Variants in SGCE observed in about 807,000 individuals in gnomAD.
The protein encoded by SGCE is epsilon-sarcoglycan.
SGCE carries 26 observed loss-of-function variants against 57.8 expected under a neutral mutation model. The ratio of observed to expected loss-of-function variants is 0.45; its 90% confidence interval spans 0.33 to 0.62. SGCE has a LOEUF of 0.62. SGCE is among the 20% of genes least tolerant of loss of function. SGCE has a pLI of 0.02. For missense variants in SGCE, 468 were observed against 548.6 expected (o/e 0.85, Z 1.47); for synonymous variants, 183 against 189.5 (o/e 0.97, Z 0.28).
At chr7:94,589,565 C>T (rs1333225457) in intron 9 of SGCE, 1 of 152,340 alleles carries the variant, frequency 6.6e-6, no homozygotes, top group Non-Finnish European at 1.5e-5. Flanking sequence ...GCCATCGAAG[C>T]CTCATCTGTA....
chr7:94,598,863 C>G lies in SGCE; in HGVS notation c.1165G>C (p.Val389Leu), dbSNP rs374697567. 6.3e-5 allele frequency: 102 copies of G among 1,612,592 alleles called. 2 individuals carry two copies. The Middle Eastern group carries it at 9.9e-4, about 16-fold the overall frequency. Residue 389 changes from valine (V) to leucine (L), a missense_variant, in exon 9 of 11, where the codon GTG becomes CTG. By Grantham distance (32) the Val-to-Leu change is conservative. Transcript: ENST00000648936. The stretch of plus-strand genomic sequence containing the variant: ...ATTTCCCCAGTCACAGGGTGGAACA[C>G]AGGAAGCGTTGACAGGGGCCATGCT... ...EIAWPLSTLP[V>L]FHPVTGEIIP...
intron 1 of SGCE, among the ~76,000 whole-genome samples, chr7:94,637,340 A>G (rs1805732644): frequency 6.6e-6 from 1 of 152,252 alleles, no homozygotes; most frequent in Admixed American, 6.5e-5. Context: ...TTGATAATTC[A>G]GAACTATAAT....
At position 94,585,269 on chromosome 7, in the gene SGCE, T is replaced by C; in HGVS notation, c.*230A>G. On this transcript the variant is annotated 3_prime_UTR_variant, in exon 11 of 11. Transcript: ENST00000648936. ...TTATTTTAAAGATCAACTTTTATTG[T>C]AACAAATATAAAGTCATCAATGTTT... 4.3e-6 allele frequency: 2 copies of C among 462,546 alleles called. No homozygotes were observed. The highest frequency in any genetic ancestry group is 3.9e-6 in the Non-Finnish European group (1 of 259,552). 28.7% of individuals were successfully genotyped at this position (462,546 alleles called of 1,614,324 possible).
At chr7:94,585,661 T>C in intron 10 of SGCE, 146 bp from the exon 11 acceptor site, 1 of 646,900 alleles carries the variant, frequency 1.5e-6, no homozygotes, top group Non-Finnish European at 2.8e-6. Flanking sequence ...TTCTCTGTAT[T>C]TGGTTTTTTT....
At chr7:94,653,664 A>G (rs1231405569) in intron 1 of SGCE, among the ~76,000 whole-genome samples, 1 of 151,914 alleles carries the variant, frequency 6.6e-6, no homozygotes, top group Non-Finnish European at 1.5e-5. Context: ...TGTTTTTTGG[A>G]TAACAAAAAG....
Position 94,629,981 on chromosome 7 carries a change from T to C in SGCE, c.110-140A>G, listed in dbSNP as rs1213288764. ...AAACTGAAGCAACATGCAAGGAAAC[T>C]GTTAATAACAATTTGTTTTAAATGG... On this transcript the variant is annotated intron_variant, in intron 1 of 10. Coordinates refer to ENST00000648936, the MANE Select transcript of SGCE (RefSeq NM_003919.3). 1.0e-5 allele frequency: 9 copies of C among 902,082 alleles called. No homozygotes were observed. The Admixed American group carries it at 2.2e-4, about 22-fold the overall frequency. The allele number at this position is 902,082 out of a possible 1,614,324, so 55.9% of individuals were successfully genotyped here. A position where few individuals can be genotyped will look rare whatever the true frequency, so the allele number is the denominator to read the frequency against.
intron 1 of SGCE, among the ~76,000 whole-genome samples, chr7:94,655,777 G>GAAAA (rs35011167): frequency 2.7e-4 from 41 of 150,154 alleles, no homozygotes; most frequent in African/African-American, 5.9e-4. Context: ...GCGCGGAGAG[G>GAAAA]AAAAAAAGGC....
intron 5 of SGCE, among the ~76,000 whole-genome samples, chr7:94,615,379 T>C (rs991709665): frequency 3.0e-5 from 4 of 135,176 alleles, no homozygotes; most frequent in East Asian, 2.1e-4. Context: ...GATAGATAGA[T>C]AGATAGATAG....
intron 5 of SGCE, among the ~76,000 whole-genome samples, chr7:94,603,681 C>T (rs2044371118): frequency 1.3e-5 from 2 of 152,016 alleles, no homozygotes; most frequent in Admixed American, 1.3e-4. Flanking sequence ...GATACTCTCT[C>T]CATTCTATGT....
chr7:94,625,371 CTTT>C (rs1803535055), intron 3 of SGCE: 1 of 151,262 alleles, frequency 6.6e-6, no homozygotes, highest in African/African-American at 2.4e-5. Flanking sequence ...TTTTTTTTAT[CTTT>C]TTACTATATT....
Position 94,600,693 on chromosome 7 carries a change from G to T in SGCE, c.990C>A (p.Val330=). 1 of 1,613,780 alleles carries T rather than the reference G, an allele frequency of 6.2e-7. No individual in the cohort carries two copies. Among genetic ancestry groups the T allele is most frequent in the South Asian group, 1.1e-5 (1 of 91,060 alleles). Residue 330 remains valine, a synonymous_variant, in exon 7 of 11, where the codon GTC becomes GTA. Coordinates refer to ENST00000648936, the MANE Select transcript of SGCE (RefSeq NM_003919.3). ...TGATATAAGCAAGTATTAGAAAAAGGACCAGTGCCACTGCCGAGGGCACAG... is the reference window on the plus strand; with the variant it reads ...TGATATAAGCAAGTATTAGAAAAAGTACCAGTGCCACTGCCGAGGGCACAG... ...TLAVPSAVAL[V]LFLILAYIMC...
At chr7:94,632,290 G>C (rs1248210169) in intron 1 of SGCE, among the ~76,000 whole-genome samples, 1 of 151,904 alleles carries the variant, frequency 6.6e-6, no homozygotes, top group Non-Finnish European at 1.5e-5. Flanking sequence ...TTAAAGAAAG[G>C]GTACCTGCCA....
chr7:94,647,349 T>C (rs979052306), intron 1 of SGCE, among the ~76,000 whole-genome samples: 1 of 152,176 alleles, frequency 6.6e-6, no homozygotes, highest in Admixed American at 6.5e-5. Flanking sequence ...CTCACTTCTG[T>C]TGGTTTTTAC....
intron 9 of SGCE, chr7:94,589,487 T>C (rs1489661308): frequency 6.6e-6 from 1 of 152,430 alleles, no homozygotes; most frequent in East Asian, 1.9e-4. Context: ...AATAATCTTC[T>C]AAGACAGGGG....
rs557861177 is a variant in SGCE at position 94,623,379 on chromosome 7, G to T, written c.409C>A (p.Arg137Ser). The T allele has an allele frequency of 6.2e-7, 1 of 1,602,264 alleles. No homozygotes were observed. Among genetic ancestry groups the T allele is most frequent in the Non-Finnish European group, 8.5e-7 (1 of 1,170,608 alleles). The change falls in exon 4 of 11, where the codon CGC becomes AGC. Residue 137 changes from arginine to serine, a missense_variant. Arg to Ser is a moderately radical substitution (Grantham distance 110). Coordinates refer to ENST00000648936, the MANE Select transcript of SGCE (RefSeq NM_003919.3). ...TIIEITAYNRRTFETARHNLI... is the reference protein window; with the variant it reads ...TIIEITAYNRSTFETARHNLI... ...TTATGCCTTGCAGTCTCAAAGGTGC[G>T]CCTGTTGTAGGCAGTTATCTATTAT...
intron 6 of SGCE, among the ~76,000 whole-genome samples, chr7:94,601,845 G>C (rs1014624951): frequency 6.6e-6 from 1 of 151,786 alleles, no homozygotes; most frequent in Non-Finnish European, 1.5e-5. Context: ...ATTTTTGGGG[G>C]GTGAAATTTA....
chr7:94,597,772 C>G (rs1490118081), intron 9 of SGCE: 1 of 152,180 alleles, frequency 6.6e-6, no homozygotes, highest in Non-Finnish European at 1.5e-5. Flanking sequence ...ACTTTGGAGG[C>G]TGAGGCAGGC....
chr7:94,633,378 GTAA>G (rs1562874606), intron 1 of SGCE, among the ~76,000 whole-genome samples: 2 of 152,074 alleles, frequency 1.3e-5, no homozygotes, highest in Admixed American at 6.6e-5. Context: ...AATTTTTTAA[GTAA>G]TAATTACATA....
At chr7:94,618,417 A>G (rs1189872131) in intron 5 of SGCE, 1 of 223,512 alleles carries the variant, frequency 4.5e-6, no homozygotes, top group Non-Finnish European at 8.7e-6. Context: ...CAGTCTGTGC[A>G]TCCTTCTGCA....
Sources: gnomAD v4.1 joint callset for allele counts (sites outside exome capture counted in the v4.1 genomes callset) on GRCh38, gnomAD v4.1.1 for gene constraint, MANE v1.5 for transcripts, NCBI Gene and HGNC (gene_info 2026-07-23, HGNC 2026-07-21) for gene names.